Variants in NSUN6 observed in about 807,000 individuals in gnomAD.
The protein encoded by NSUN6 is tRNA (cytosine(72)-C(5))-methyltransferase NSUN6.
NSUN6 carries 64 observed loss-of-function variants against 58.0 expected under a neutral mutation model. The ratio of observed to expected loss-of-function variants is 1.10; its 90% CI spans 0.90 to 1.36. The LOEUF (loss-of-function observed/expected upper bound fraction) is 1.36, where lower values mean the gene tolerates loss of function less well. NSUN6 is among the 40% of genes most tolerant of loss of function. The pLI is 0.00. For synonymous variants in NSUN6, 231 were observed against 193.9 expected (o/e 1.19, Z -1.59); for missense variants, 701 against 550.1 (o/e 1.27, Z -2.74).
chr10:18,658,915 TGAAG>T (rs1564860472), upstream of NSUN6, among the ~76,000 whole-genome samples: 2 of 152,174 alleles, frequency 1.3e-5, no homozygotes, highest in Non-Finnish European at 2.9e-5. Context: ...AATAAATGAA[TGAAG>T]AAGAATCACG....
chr10:18,614,600 T>A lies in NSUN6; in HGVS notation c.435A>T (p.Gly145=). The change falls in exon 5 of 11, where the codon GGA becomes GGT. Residue 145 remains glycine, a synonymous_variant. Transcript: ENST00000377304. ...IVSASQFMKA[G]DVISVYSDIK... is the part of the protein sequence containing the mutation. Reference sequence around the variant, plus strand: ...TATCAGAGTATACAGAAATAACATCTCCAGCTTTCATAACTAGAGAAAGAA... The same window carrying A: ...TATCAGAGTATACAGAAATAACATCACCAGCTTTCATAACTAGAGAAAGAA... 1 of 1,418,708 alleles carries A rather than the reference T, an allele frequency of 7.0e-7. No homozygotes were observed. The highest frequency in any genetic ancestry group is 9.5e-7 in the Non-Finnish European group (1 of 1,055,832). The allele number at this position is 1,418,708 out of a possible 1,614,324, so 87.9% of individuals were successfully genotyped here. A position where few individuals can be genotyped will look rare whatever the true frequency, so the allele number is the denominator to read the frequency against.
intron 6 of NSUN6, among the ~76,000 whole-genome samples, chr10:18,603,305 T>C (rs527516153): frequency 6.6e-6 from 1 of 152,262 alleles, no homozygotes; most frequent in Non-Finnish European, 1.5e-5. Flanking sequence ...GATGGTTTAT[T>C]CATTTACTCC....
chr10:18,558,612 G>A (rs1168662225), intron 8 of NSUN6, among the ~76,000 whole-genome samples: 1 of 151,470 alleles, frequency 6.6e-6, no homozygotes, highest in Non-Finnish European at 1.5e-5. Context: ...AAGGATAACA[G>A]AATGGCGTGG....
At chr10:18,565,771 C>T (rs762965163) in intron 8 of NSUN6, among the ~76,000 whole-genome samples, 9 of 149,566 alleles carry the variant, frequency 6.0e-5, no homozygotes, top group Non-Finnish European at 1.0e-4. Context: ...CCATTCCATC[C>T]TCCCTTTCAT....
chr10:18,647,725 G>GT (rs571301351), intron 2 of NSUN6, among the ~76,000 whole-genome samples: 3,436 of 99,900 alleles, frequency 0.034, 526 homozygotes, highest in African/African-American at 0.055. Flanking sequence ...TCAACACCTT[G>GT]TTTTTTTTTT....
chr10:18,656,058 T>C (rs750016098), upstream of NSUN6, among the ~76,000 whole-genome samples: 3 of 152,208 alleles, frequency 2.0e-5, no homozygotes, highest in Admixed American at 6.5e-5. Flanking sequence ...CTTTTCGTAA[T>C]GATAGGAGCG....
At chr10:18,653,109 GCA>G, upstream of NSUN6, 11 of 984,738 alleles carry the variant, frequency 1.1e-5, no homozygotes, top group Non-Finnish European at 1.3e-5. Context: ...GGTGACCATA[GCA>G]CCACTGATGG....
chr10:18,598,730 T>A (rs2131229561), intron 6 of NSUN6, among the ~76,000 whole-genome samples: 1 of 152,308 alleles, frequency 6.6e-6, no homozygotes, highest in African/African-American at 2.4e-5. Context: ...CCTCCCAAAG[T>A]GTTGGGATTA....
chr10:18,555,882 G>A lies in NSUN6; in HGVS notation c.923-3911C>T, dbSNP rs557641987. Among the ~76,000 whole-genome samples the A allele has an allele frequency of 1.6e-3, 231 of 143,072 alleles. 2 individuals carry two copies. Among genetic ancestry groups the A allele is most frequent in the African/African-American group, 5.7e-3 (220 of 38,756 alleles). The allele number at this position is 143,072 out of a possible 152,430, so 93.9% of individuals were successfully genotyped here. A position where few individuals can be genotyped will look rare whatever the true frequency, so the allele number is the denominator to read the frequency against. On this transcript the variant is annotated intron_variant, in intron 8 of 10. Coordinates refer to ENST00000377304, the MANE Select transcript of NSUN6 (RefSeq NM_182543.5). The stretch of plus-strand genomic sequence containing the variant: ...AATGGAATGGAATGGAGAATGAACT[G>A]GAATGGAGAATAGAATGGAATGGAG...
At chr10:18,606,620 T>C (rs1357554209) in intron 6 of NSUN6, among the ~76,000 whole-genome samples, 1 of 152,190 alleles carries the variant, frequency 6.6e-6, no homozygotes, top group Non-Finnish European at 1.5e-5. Flanking sequence ...TGGTAGTATA[T>C]TACCCTTAGG....
chr10:18,651,378 G>T lies in NSUN6; in HGVS notation c.-175C>A. 7.6e-7 allele frequency: 1 copy of T among 1,318,268 alleles called. No individual in the cohort carries two copies. The highest frequency in any genetic ancestry group is 9.6e-7 in the Non-Finnish European group (1 of 1,038,366). The allele number at this position is 1,318,268 out of a possible 1,614,324, so 81.7% of individuals were successfully genotyped here. The stretch of plus-strand genomic sequence containing the variant: ...AGAGGTACACGCTTTCTCAAGCCTA[G>T]CCGATTAGAAGGGGCTGCCGGGCTT... On this transcript the variant is annotated 5_prime_UTR_variant, in exon 1 of 11. Coordinates refer to ENST00000377304, the MANE Select transcript of NSUN6 (RefSeq NM_182543.5).
At chr10:18,592,058 C>T (rs2131170882) in intron 7 of NSUN6, among the ~76,000 whole-genome samples, 1 of 152,238 alleles carries the variant, frequency 6.6e-6, no homozygotes, top group Admixed American at 6.5e-5. Context: ...AAATCACAAG[C>T]ATTCCTTTAC....
At chr10:18,632,736 C>T (rs2059078453) in intron 3 of NSUN6, among the ~76,000 whole-genome samples, 1 of 152,108 alleles carries the variant, frequency 6.6e-6, no homozygotes, top group Admixed American at 6.5e-5. Flanking sequence ...GAATGGCAAT[C>T]ATTAAAAAGT....
At chr10:18,630,493 T>C (rs2058988772) in intron 3 of NSUN6, among the ~76,000 whole-genome samples, 2 of 151,804 alleles carry the variant, frequency 1.3e-5, no homozygotes, top group Admixed American at 1.3e-4. Context: ...ATCAACAAAA[T>C]TGATAGACCG....
rs536324046 is a variant in NSUN6, at chr10:18,633,646, A to T, written c.311+8830T>A. Among the ~76,000 whole-genome samples the T allele has an allele frequency of 3.9e-4, 59 of 152,242 alleles. No individual in the cohort carries two copies. In the South Asian group the frequency reaches 0.012, roughly 31 times the overall value. On this transcript the variant is annotated intron_variant, in intron 3 of 10. Coordinates refer to ENST00000377304, the MANE Select transcript of NSUN6 (RefSeq NM_182543.5). ...GGACCATGCACTTAGTGAAAAAAAA[A>T]TCAGAATCTAGGAATATCTTGTCAG...
intron 6 of NSUN6, among the ~76,000 whole-genome samples, chr10:18,599,986 T>G (rs1198050570): frequency 6.6e-6 from 1 of 152,176 alleles, no homozygotes; most frequent in African/African-American, 2.4e-5. Flanking sequence ...TATAGTACAG[T>G]TGTAATTTTA....
chr10:18,601,153 G>A (rs2057823684), intron 6 of NSUN6, among the ~76,000 whole-genome samples: 1 of 151,052 alleles, frequency 6.6e-6, no homozygotes, highest in African/African-American at 2.4e-5. Context: ...AACCAGTGCA[G>A]GCTTGAGATA....
rs898894826 is a variant in NSUN6 at position 18,651,488 on chromosome 10, C to CA, written c.-286dup. The CA allele has an allele frequency of 1.1e-5, 12 of 1,107,118 alleles. No homozygotes were observed. The highest frequency in any genetic ancestry group is 5.0e-5 in the Admixed American group (1 of 19,810). The allele number at this position is 1,107,118 out of a possible 1,614,324, so 68.6% of individuals were successfully genotyped here. On this transcript the variant is annotated 5_prime_UTR_variant, in exon 1 of 11. Transcript: ENST00000377304. Reference sequence around the variant, plus strand: ...CAATGCCACTCACGTTGCAAAGAACCAAAAAAAGAAAAAAATGCTTAGTAA... The same window carrying CA: ...CAATGCCACTCACGTTGCAAAGAACCAAAAAAAAGAAAAAAATGCTTAGTAA...
intron 3 of NSUN6, among the ~76,000 whole-genome samples, chr10:18,620,904 G>C (rs1037831315): frequency 6.6e-6 from 1 of 152,164 alleles, no homozygotes; most frequent in South Asian, 2.1e-4. Flanking sequence ...TGTAGTGTTA[G>C]ATTTTATGAA....
Sources: gnomAD v4.1 joint callset for allele counts (sites outside exome capture counted in the v4.1 genomes callset) on GRCh38, gnomAD v4.1.1 for gene constraint, MANE v1.5 for transcripts, NCBI Gene and HGNC (gene_info 2026-07-23, HGNC 2026-07-21) for gene names.